Variants in ARHGEF18 observed in about 807,000 individuals in gnomAD.
The protein encoded by ARHGEF18 is rho guanine nucleotide exchange factor 18.
A neutral mutation model predicts 155.7 loss-of-function variants in ARHGEF18; 93 were observed. That is an observed-to-expected ratio of 0.60 (90% confidence interval 0.50 to 0.71). ARHGEF18 has a LOEUF of 0.71. Ranked by LOEUF, ARHGEF18 falls within the 30% of genes least tolerant of loss-of-function variation. The probability of loss-of-function intolerance (pLI) is 0.00; values close to 1 mark genes in which losing one functional copy is unlikely to be tolerated. For missense variants in ARHGEF18, 1,593 were observed against 1,816.1 expected, an observed-to-expected ratio of 0.88 and a Z score of 2.23; for synonymous variants, 742 against 753.1, an observed-to-expected ratio of 0.99 and a Z score of 0.24.
chr19:7,401,931 GA>G (rs1972037127), intron 10 of ARHGEF18, among the ~76,000 whole-genome samples: 1 of 152,160 alleles, frequency 6.6e-6, no homozygotes, highest in East Asian at 1.9e-4. Context: ...GATGGACCTG[GA>G]AAAAACTTGC....
chr19:7,442,328 G>C (rs1201563928), intron 13 of ARHGEF18, among the ~76,000 whole-genome samples: 1 of 151,746 alleles, frequency 6.6e-6, no homozygotes, highest in Non-Finnish European at 1.5e-5. Context: ...CCTCGACCTG[G>C]GCTCAAACAA....
intron 10 of ARHGEF18, among the ~76,000 whole-genome samples, chr19:7,425,882 C>T (rs1973634993): frequency 6.6e-6 from 1 of 152,020 alleles, no homozygotes; most frequent in Non-Finnish European, 1.5e-5. Context: ...TGCCCGTAGT[C>T]CCAGCTACTC....
intron 14 of ARHGEF18, among the ~76,000 whole-genome samples, chr19:7,446,172 G>A (rs1417841054): frequency 6.6e-6 from 1 of 152,076 alleles, no homozygotes; most frequent in African/African-American, 2.4e-5. Flanking sequence ...CTGAGTGGGG[G>A]TGGATCACTT....
chr19:7,453,387 A>G lies in ARHGEF18; in HGVS notation c.1856-80A>G, dbSNP rs535345801. On this transcript the variant is annotated intron_variant, in intron 16 of 28. Transcript: ENST00000668164. ...GTGTCCACACACCTCATAGATCCAC[A>G]TGTCCATACATAGTGAGTGTGTCCA... The G allele has an allele frequency of 3.5e-4, 522 of 1,482,316 alleles. 7 individuals carry two copies. The African/African-American group carries it at 6.6e-3, about 19-fold the overall frequency. The allele number at this position is 1,482,316 out of a possible 1,614,324, so 91.8% of individuals were successfully genotyped here.
chr19:7,446,690 A>C (rs1306986129), intron 14 of ARHGEF18, among the ~76,000 whole-genome samples: 2 of 151,970 alleles, frequency 1.3e-5, no homozygotes, highest in Non-Finnish European at 2.9e-5. Context: ...GCAGTGAGCC[A>C]AGATCACGCC....
At chr19:7,473,325 C>A (rs1161083631), downstream of ARHGEF18, 1 of 454,658 alleles carries the variant, frequency 2.2e-6, no homozygotes, top group Admixed American at 2.4e-5. Flanking sequence ...GAAGATGATG[C>A]AGGCCACGTG....
intron 2 of ARHGEF18, among the ~76,000 whole-genome samples, chr19:7,371,692 G>A (rs920728102): frequency 6.6e-6 from 1 of 151,816 alleles, no homozygotes; most frequent in South Asian, 2.1e-4. Flanking sequence ...ATAATGGTGG[G>A]TGCCTGTAAT....
intron 10 of ARHGEF18, among the ~76,000 whole-genome samples, chr19:7,385,030 T>C (rs1298663459): frequency 6.6e-6 from 1 of 152,146 alleles, no homozygotes; most frequent in Non-Finnish European, 1.5e-5. Flanking sequence ...AAAGTCAGTG[T>C]GTTGAAGTCC....
intron 23 of ARHGEF18, among the ~76,000 whole-genome samples, chr19:7,465,220 C>T (rs1249633560): frequency 2.0e-5 from 3 of 152,150 alleles, no homozygotes; most frequent in African/African-American, 7.2e-5. Flanking sequence ...CCCAGCCCCT[C>T]GTTTTCCAAA....
chr19:7,439,647 A>C, intron 10 of ARHGEF18: 1 of 1,128,748 alleles, frequency 8.9e-7, no homozygotes, highest in African/African-American at 1.6e-5. Context: ...GTCCACTTCG[A>C]TGCTAGAATT....
rs1977028274 is a variant in ARHGEF18, at chr19:7,471,676, C to T, written c.*1378C>T. 2 of 152,286 alleles carry T rather than the reference C, an allele frequency of 1.3e-5. No individual in the cohort carries two copies. The highest frequency in any genetic ancestry group is 2.4e-5 in the African/African-American group (1 of 41,456). The allele number at this position is 152,286 out of a possible 1,614,324, so 9.4% of individuals were successfully genotyped here. On this transcript the variant is annotated 3_prime_UTR_variant, in exon 29 of 29. Coordinates refer to ENST00000668164, the MANE Select transcript of ARHGEF18 (RefSeq NM_001367823.1). The surrounding 1 kb of genome is among the most constrained non-coding windows in gnomAD (Gnocchi z 4.4). ...AGTGAACAGGGACATTCCCGCCACT[C>T]GGGGACAGATGGGCACAAGGGAGGG...
chr19:7,378,684 C>CTT (rs548305968), intron 6 of ARHGEF18, among the ~76,000 whole-genome samples: 2,064 of 88,062 alleles, frequency 0.023, 493 homozygotes, highest in East Asian at 0.095. Flanking sequence ...ACAATTGTGG[C>CTT]TTTTTTTTTT....
intron 2 of ARHGEF18, among the ~76,000 whole-genome samples, chr19:7,363,864 AAAG>A (rs1969749385): frequency 6.8e-6 from 1 of 147,266 alleles, no homozygotes; most frequent in East Asian, 2.1e-4. Context: ...AGGAAGGAAA[AAAG>A]GAAGAAAGGA....
intron 10 of ARHGEF18, among the ~76,000 whole-genome samples, chr19:7,406,596 C>T (rs988146076): frequency 6.6e-6 from 1 of 152,138 alleles, no homozygotes; most frequent in African/African-American, 2.4e-5. Flanking sequence ...CAAAGCTGTA[C>T]CAGCTGCCTT....
intron 10 of ARHGEF18, among the ~76,000 whole-genome samples, chr19:7,403,792 C>A (rs1455006702): frequency 1.3e-5 from 2 of 152,022 alleles, no homozygotes; most frequent in Non-Finnish European, 2.9e-5. Flanking sequence ...CTGCTGGGCT[C>A]AATGACTCAC....
At chr19:7,416,366 A>G (rs1254581606) in intron 10 of ARHGEF18, among the ~76,000 whole-genome samples, 1 of 152,106 alleles carries the variant, frequency 6.6e-6, no homozygotes, top group African/African-American at 2.4e-5. Context: ...GTGAGCTACG[A>G]TCACGCCACT....
Position 7,471,710 on chromosome 19 carries a change from A to G in ARHGEF18, c.*1412A>G, listed in dbSNP as rs1977030260. 1 of 152,276 alleles carries G rather than the reference A, an allele frequency of 6.6e-6. No homozygotes were observed. Among genetic ancestry groups the G allele is most frequent in the Non-Finnish European group, 1.5e-5 (1 of 68,094 alleles). 9.4% of individuals were successfully genotyped at this position (152,276 alleles called of 1,614,324 possible). ...ATGGGCACAAGGGAGGGGAAACTCC[A>G]TCAGGAAGTGCTCCCCTGGGCAGAG... On this transcript the variant is annotated 3_prime_UTR_variant, in exon 29 of 29. Coordinates refer to ENST00000668164, the MANE Select transcript of ARHGEF18 (RefSeq NM_001367823.1). The surrounding 1 kb of genome is among the most constrained non-coding windows in gnomAD (Gnocchi z 4.4).
intron 10 of ARHGEF18, among the ~76,000 whole-genome samples, chr19:7,430,552 G>T (rs959970763): frequency 6.6e-6 from 1 of 152,080 alleles, no homozygotes; most frequent in Non-Finnish European, 1.5e-5. Flanking sequence ...GCCTGTAATC[G>T]CAGCACTTTG....
At chr19:7,460,033 G>A (rs1976114973) in intron 20 of ARHGEF18, 39 bp downstream of exon 20, 3 of 1,543,894 alleles carry the variant, frequency 1.9e-6, no homozygotes, top group Non-Finnish European at 1.8e-6. Context: ...CCCTTGTGTG[G>A]TGAGCCCTGG....
Sources: gnomAD v4.1 joint callset for allele counts (sites outside exome capture counted in the v4.1 genomes callset) on GRCh38, gnomAD v4.1.1 for gene constraint, Gnocchi (gnomAD v3.1) non-coding constraint, MANE v1.5 for transcripts, NCBI Gene and HGNC (gene_info 2026-07-23, HGNC 2026-07-21) for gene names.